Variants in PARD3 observed in about 807,000 individuals in gnomAD.
PARD3 encodes par-3 family cell polarity regulator, also known as partitioning defective 3 homolog.
Under a neutral mutation model 155.4 loss-of-function variants are expected in PARD3, and 75 were observed. That is an observed-to-expected ratio of 0.48 (90% CI 0.40 to 0.58). PARD3 has a LOEUF of 0.58. Among genes scored for constraint, PARD3 ranks in the 20% least tolerant of loss-of-function variants. The pLI is 0.00. For missense variants in PARD3, 1,642 were observed against 1,721.7 expected (o/e 0.95, Z 0.82); for synonymous variants, 576 against 610.5 (o/e 0.94, Z 0.83).
chr10:34,492,215 T>C (rs2079961131), intron 3 of PARD3, among the ~76,000 whole-genome samples: 1 of 152,130 alleles, frequency 6.6e-6, no homozygotes, highest in South Asian at 2.1e-4. Context: ...ATACATTGAA[T>C]CAACATAAAA....
intron 5 of PARD3, among the ~76,000 whole-genome samples, chr10:34,408,187 C>T (rs1321594350): frequency 4.0e-5 from 6 of 149,394 alleles, no homozygotes. Context: ...TCCAAAATAT[C>T]TATCTTTGAT....
At chr10:34,112,438 A>T (rs1163768876) in intron 24 of PARD3, among the ~76,000 whole-genome samples, 1 of 152,232 alleles carries the variant, frequency 6.6e-6, no homozygotes, top group Non-Finnish European at 1.5e-5. Flanking sequence ...TGGTTTTATG[A>T]ATTTACAATA....
At chr10:34,319,227 T>A (rs1218839454) in intron 19 of PARD3, among the ~76,000 whole-genome samples, 1 of 151,880 alleles carries the variant, frequency 6.6e-6, no homozygotes, top group Non-Finnish European at 1.5e-5. Flanking sequence ...TAGCTGGGAC[T>A]ACAGGCACAC....
intron 2 of PARD3, among the ~76,000 whole-genome samples, chr10:34,686,639 G>A (rs544298538): frequency 2.6e-5 from 4 of 152,062 alleles, no homozygotes; most frequent in African/African-American, 4.8e-5. Flanking sequence ...TACTCAGGAG[G>A]CTGAGGCAGG....
intron 2 of PARD3, among the ~76,000 whole-genome samples, chr10:34,663,525 C>T (rs1438406679): frequency 6.6e-6 from 1 of 152,066 alleles, no homozygotes; most frequent in Non-Finnish European, 1.5e-5. Flanking sequence ...TCATCACATG[C>T]CTGTACCGAA....
chr10:34,413,571 T>C (rs1055294772), intron 5 of PARD3, among the ~76,000 whole-genome samples: 1 of 152,296 alleles, frequency 6.6e-6, no homozygotes, highest in East Asian at 1.9e-4. Context: ...TTTATCCAGA[T>C]TCTTCTTTAT....
chr10:34,149,552 T>G (rs1948682850), intron 22 of PARD3, among the ~76,000 whole-genome samples: 1 of 152,122 alleles, frequency 6.6e-6, no homozygotes, highest in African/African-American at 2.4e-5. Flanking sequence ...GTTATATAAT[T>G]TTTCTTCTAT....
In PARD3 at chr10:34,470,299, T is replaced by C. The variant is rs747047331; in HGVS notation, c.404-36A>G. 14 of 1,460,758 alleles carry C rather than the reference T, an allele frequency of 9.6e-6. No homozygotes were observed. The Admixed American group carries it at 3.0e-4, about 31-fold the overall frequency. The allele number at this position is 1,460,758 out of a possible 1,614,324, so 90.5% of individuals were successfully genotyped here. ...AAAAGCACTATGCTGAAAAATAAGATACTAATGTTGGTAAACTACATGTTA... is the reference window on the plus strand; with the variant it reads ...AAAAGCACTATGCTGAAAAATAAGACACTAATGTTGGTAAACTACATGTTA... On this transcript the variant is annotated intron_variant, in intron 3 of 24. Coordinates refer to ENST00000374788, the MANE Select transcript of PARD3 (RefSeq NM_001184785.2).
chr10:34,496,380 G>A (rs1054529297), intron 3 of PARD3, among the ~76,000 whole-genome samples: 13 of 152,202 alleles, frequency 8.5e-5, no homozygotes, highest in African/African-American at 3.1e-4. Context: ...CTAAATAAAG[G>A]AATTACAGTA....
At chr10:34,352,802 G>A (rs1043403321) in intron 14 of PARD3, among the ~76,000 whole-genome samples, 16 of 152,110 alleles carry the variant, frequency 1.1e-4, no homozygotes, top group African/African-American at 3.9e-4. Flanking sequence ...CTGCCTGGTC[G>A]CCCATCGTCT....
At chr10:34,572,535 A>C (rs2086503685) in intron 2 of PARD3, among the ~76,000 whole-genome samples, 1 of 151,628 alleles carries the variant, frequency 6.6e-6, no homozygotes, top group African/African-American at 2.4e-5. Flanking sequence ...GCTACTCAGG[A>C]GGCTGAGAGG....
chr10:34,139,473 T>C (rs1467817018), intron 22 of PARD3, among the ~76,000 whole-genome samples: 2 of 152,356 alleles, frequency 1.3e-5, no homozygotes, highest in Admixed American at 6.5e-5. Context: ...TTTCCTTCCT[T>C]GCCCAATTAC....
intron 3 of PARD3, among the ~76,000 whole-genome samples, chr10:34,491,645 A>G (rs888841402): frequency 6.6e-6 from 1 of 152,244 alleles, no homozygotes; most frequent in African/African-American, 2.4e-5. Context: ...ACAAAACAGG[A>G]AGTTTCAATA....
intron 2 of PARD3, among the ~76,000 whole-genome samples, chr10:34,660,959 A>C (rs1276280147): frequency 2.6e-5 from 4 of 152,190 alleles, no homozygotes; most frequent in African/African-American, 9.7e-5. Flanking sequence ...TGAGAAGCTG[A>C]ATCTACTGAC....
At chr10:34,405,896 G>A (rs1447791166) in intron 5 of PARD3, among the ~76,000 whole-genome samples, 1 of 152,176 alleles carries the variant, frequency 6.6e-6, no homozygotes, top group East Asian at 1.9e-4. Context: ...GAGTATCTTT[G>A]CTTGCTGCTG....
At chr10:34,162,867 G>A (rs1949351794) in intron 22 of PARD3, among the ~76,000 whole-genome samples, 1 of 152,144 alleles carries the variant, frequency 6.6e-6, no homozygotes, top group Non-Finnish European at 1.5e-5. Flanking sequence ...AGGACTGTGA[G>A]AATTCAGACC....
intron 22 of PARD3, among the ~76,000 whole-genome samples, chr10:34,135,667 C>A (rs1947856345): frequency 6.6e-6 from 1 of 152,164 alleles, no homozygotes; most frequent in Non-Finnish European, 1.5e-5. Flanking sequence ...CGCACCTGTG[C>A]CCCACAGGCA....
intron 20 of PARD3, among the ~76,000 whole-genome samples, chr10:34,292,566 G>A (rs1355627081): frequency 6.6e-6 from 1 of 152,132 alleles, no homozygotes; most frequent in Non-Finnish European, 1.5e-5. Context: ...TTAAGTTGGT[G>A]GAGTTTGGCA....
chr10:34,241,059 C>A (rs557039193), intron 22 of PARD3, among the ~76,000 whole-genome samples: 2 of 152,112 alleles, frequency 1.3e-5, no homozygotes, highest in Non-Finnish European at 2.9e-5. Flanking sequence ...AGGGCAGAAT[C>A]AGAAATAGAA....
Sources: gnomAD v4.1 joint callset for allele counts (sites outside exome capture counted in the v4.1 genomes callset) on GRCh38, gnomAD v4.1.1 for gene constraint, MANE v1.5 for transcripts, NCBI Gene and HGNC (gene_info 2026-07-23, HGNC 2026-07-21) for gene names.